The following BRD1 variants were observed in gnomAD, a reference collection of about 807,000 sequenced individuals.
The protein encoded by BRD1 is bromodomain containing 1, also known as bromodomain-containing protein 1.
A neutral mutation model predicts 107.7 loss-of-function variants in BRD1; 24 were observed. The ratio of observed to expected loss-of-function variants is 0.22; its 90% CI spans 0.16 to 0.31. The LOEUF (loss-of-function observed/expected upper bound fraction) is 0.31, where lower values mean the gene tolerates loss of function less well. BRD1 is among the 10% of genes least tolerant of loss of function. BRD1 has a pLI of 1.00. For missense variants in BRD1, 1,279 were observed against 1,638.6 expected, an observed-to-expected ratio of 0.78 and a Z score of 3.79; for synonymous variants, 744 against 686.1, an observed-to-expected ratio of 1.08 and a Z score of -1.32.
intron 6 of BRD1, among the ~76,000 whole-genome samples, chr22:49,796,211 C>T (rs1055605971): frequency 6.6e-6 from 1 of 152,010 alleles, no homozygotes; most frequent in African/African-American, 2.4e-5. Flanking sequence ...CTGCCTCAGC[C>T]TCCCGAGTAG....
intron 10 of BRD1, 111 bp from the exon 11 acceptor site, chr22:49,776,270 C>T (rs922847629): frequency 1.1e-6 from 1 of 918,612 alleles, no homozygotes; most frequent in African/African-American, 1.6e-5. Flanking sequence ...CAGCCCAGCT[C>T]CCAGGCCTTT....
At chr22:49,821,186 C>CG (rs527538355) in intron 2 of BRD1, among the ~76,000 whole-genome samples, 26 of 152,172 alleles carry the variant, frequency 1.7e-4, no homozygotes, top group Non-Finnish European at 3.2e-4. Context: ...GAACAGAGAG[C>CG]GTGCGGCCCG....
At position 49,823,284 on chromosome 22, in the gene BRD1, T is replaced by C. The variant is rs201262892; in HGVS notation, c.1034A>G (p.Asn345Ser). The C allele has an allele frequency of 6.2e-7, 1 of 1,614,126 alleles. No homozygotes were observed. The highest frequency in any genetic ancestry group is 8.5e-7 in the Non-Finnish European group (1 of 1,180,008). Reference sequence around the variant, plus strand: ...CGTCACATGGAATGCTGTGTAGCAGTTTGCTTTGTGGCACTGGATGCAGGC... The same window carrying C: ...CGTCACATGGAATGCTGTGTAGCAGCTTGCTTTGTGGCACTGGATGCAGGC... ...VGACIQCHKA[N>S]CYTAFHVTCA... The change falls in exon 2 of 13, where the codon AAC becomes AGC. Residue 345 changes from asparagine to serine, a missense_variant. Coordinates refer to ENST00000404760, the MANE Select transcript of BRD1 (RefSeq NM_001304808.3).
chr22:49,782,977 C>G lies in BRD1; in HGVS notation c.2857+4413G>C, dbSNP rs549240310. ...AGTCAGAGACAGACCCAAAGCCCAT[C>G]TTGCTGGGACCTGCTCCATGACAAT... On this transcript the variant is annotated intron_variant, in intron 8 of 12. Coordinates refer to ENST00000404760, the MANE Select transcript of BRD1 (RefSeq NM_001304808.3). Among the ~76,000 whole-genome samples, 15 of 141,146 alleles carry G rather than the reference C, an allele frequency of 1.1e-4. No individual in the cohort carries two copies. In the East Asian group the frequency reaches 3.4e-3, roughly 32 times the overall value. The allele number at this position is 141,146 out of a possible 152,430, so 92.6% of individuals were successfully genotyped here.
At chr22:49,816,937 A>C (rs896661436) in intron 2 of BRD1, among the ~76,000 whole-genome samples, 1 of 152,228 alleles carries the variant, frequency 6.6e-6, no homozygotes, top group East Asian at 1.9e-4. Flanking sequence ...CCTTGTCTAC[A>C]CAGGACTTTG....
At chr22:49,814,394 G>T (rs1384885133) in intron 2 of BRD1, among the ~76,000 whole-genome samples, 3 of 152,198 alleles carry the variant, frequency 2.0e-5, no homozygotes, top group Non-Finnish European at 2.9e-5. Context: ...CATGAGACCA[G>T]CCGGCCAGAG....
intron 8 of BRD1, 37 bp downstream of exon 8, chr22:49,787,353 G>C (rs778185739): frequency 6.4e-7 from 1 of 1,558,556 alleles, no homozygotes; most frequent in Non-Finnish European, 8.6e-7. Context: ...GGCACTGGTC[G>C]GCAAGGGCGC....
At chr22:49,814,787 C>T (rs2059918579) in intron 2 of BRD1, among the ~76,000 whole-genome samples, 1 of 152,208 alleles carries the variant, frequency 6.6e-6, no homozygotes, top group South Asian at 2.1e-4. Context: ...CAGTAATCTG[C>T]CCCGCTGTCC....
intron 12 of BRD1, 108 bp downstream of exon 12, chr22:49,775,483 G>C: frequency 1.8e-6 from 2 of 1,095,290 alleles, no homozygotes; most frequent in South Asian, 3.8e-5. Flanking sequence ...AGCTGTGCCA[G>C]GGCCCAGCAG....
At chr22:49,800,937 G>C (rs982997914) in intron 3 of BRD1, among the ~76,000 whole-genome samples, 4 of 152,360 alleles carry the variant, frequency 2.6e-5, no homozygotes, top group Admixed American at 1.3e-4. Context: ...CTGCTGGGAG[G>C]ACAGGCCAGC....
chr22:49,823,337 G>A lies in BRD1; in HGVS notation c.981C>T (p.Cys327=). 1 of 1,614,178 alleles carries A rather than the reference G, an allele frequency of 6.2e-7. No homozygotes were observed. Among genetic ancestry groups the A allele is most frequent in the Non-Finnish European group, 8.5e-7 (1 of 1,180,038 alleles). Residue 327 remains cysteine, a synonymous_variant, in exon 2 of 13, where the codon TGC becomes TGT. Coordinates refer to ENST00000404760, the MANE Select transcript of BRD1 (RefSeq NM_001304808.3). ...NIPPARWKLT[C]YLCKQKGVGA... The stretch of plus-strand genomic sequence containing the variant: ...CCACGCCCTTCTGCTTACAGAGGTA[G>A]CATGTCAGTTTCCACCGGGCTGGAG...
At chr22:49,815,860 C>T (rs956144465) in intron 2 of BRD1, among the ~76,000 whole-genome samples, 4 of 152,220 alleles carry the variant, frequency 2.6e-5, no homozygotes, top group African/African-American at 9.6e-5. Context: ...GTCGTCCTGG[C>T]GCTTCCTTCC....
chr22:49,776,191 G>A (rs748290402), intron 10 of BRD1, 32 bp from the exon 11 acceptor site: 63 of 1,580,122 alleles, frequency 4.0e-5, no homozygotes, highest in South Asian at 1.8e-4. Flanking sequence ...GGACACAGGC[G>A]TCAGCAGGAC....
At chr22:49,808,091 A>T (rs1182172527) in intron 2 of BRD1, among the ~76,000 whole-genome samples, 1 of 152,334 alleles carries the variant, frequency 6.6e-6, no homozygotes, top group Admixed American at 6.5e-5. Flanking sequence ...GCAAGAACGT[A>T]AAAAGGTGTA....
intron 5 of BRD1, 82 bp downstream of exon 5, chr22:49,798,476 A>G: frequency 6.2e-7 from 1 of 1,605,154 alleles, no homozygotes; most frequent in Non-Finnish European, 8.5e-7. Context: ...TACTCTAGCC[A>G]ATCACACGTT....
chr22:49,806,568 A>G (rs1164404723), intron 2 of BRD1: 1 of 152,214 alleles, frequency 6.6e-6, no homozygotes, highest in African/African-American at 2.4e-5. Context: ...CTAAGCAAAG[A>G]CATACATATG....
At chr22:49,811,410 C>G (rs1355844199) in intron 2 of BRD1, among the ~76,000 whole-genome samples, 2 of 152,172 alleles carry the variant, frequency 1.3e-5, no homozygotes, top group Non-Finnish European at 2.9e-5. Context: ...GTGTGAATGA[C>G]AAGAGTCCCC....
rs2059691354 is a variant in BRD1, at chr22:49,803,957, G to T, written c.1524+247C>A. 6.6e-6 allele frequency among the ~76,000 whole-genome samples: 1 copy of T among 152,234 alleles called. No homozygotes were observed. The highest frequency in any genetic ancestry group is 1.5e-5 in the Non-Finnish European group (1 of 68,038). On this transcript the variant is annotated intron_variant, in intron 3 of 12. Transcript: ENST00000404760. The surrounding 1 kb of genome is among the most constrained non-coding windows in gnomAD (Gnocchi z 4.4). ...TGTGTGCGGGCAGGGCAGGGCGGGG[G>T]AGCGCAACTCAAAACGGAAGAAACA...
Position 49,804,112 on chromosome 22 carries a change from G to A in BRD1, c.1524+92C>T, listed in dbSNP as rs954893500. On this transcript the variant is annotated intron_variant, in intron 3 of 12. Coordinates refer to ENST00000404760, the MANE Select transcript of BRD1 (RefSeq NM_001304808.3). ...CCAACGGGGAGCCTGAGCCCAGGGG[G>A]CAGCACCGTGACCAGCCTGAACCAG... 47 of 1,165,532 alleles carry A rather than the reference G, an allele frequency of 4.0e-5. 1 individual carries two copies. In the Admixed American group the frequency reaches 8.0e-4, roughly 20 times the overall value. 72.2% of individuals were successfully genotyped at this position (1,165,532 alleles called of 1,614,324 possible).
Sources: allele counts gnomAD v4.1 joint callset (sites outside exome capture counted in the v4.1 genomes callset), GRCh38; gene constraint gnomAD v4.1.1; non-coding constraint Gnocchi (gnomAD v3.1); transcripts MANE v1.5; gene names NCBI Gene and HGNC (gene_info 2026-07-23, HGNC 2026-07-21).